Variants in CENPW observed in about 807,000 individuals in gnomAD.
CENPW encodes cancer-up-regulated gene 2 protein.
Under a neutral mutation model 11.1 loss-of-function variants are expected in CENPW, and 3 were observed. The observed-to-expected ratio is 0.27, with a 90% confidence interval of 0.12 to 0.70. The LOEUF (loss-of-function observed/expected upper bound fraction) is 0.70, where lower values mean the gene tolerates loss of function less well. Ranked by LOEUF, CENPW falls within the 30% of genes least tolerant of loss-of-function variation. The probability of loss-of-function intolerance (pLI) is 0.77; values close to 1 mark genes in which losing one functional copy is unlikely to be tolerated. For synonymous variants in CENPW, 38 were observed against 42.0 expected (o/e 0.91, Z 0.37); for missense variants, 100 against 105.6 (o/e 0.95, Z 0.23).
At chr6:126,399,471 T>G in the CENPW span, among the ~76,000 whole-genome samples, 1 of 152,194 alleles carries the variant, frequency 6.6e-6, no homozygotes, top group Non-Finnish European at 1.5e-5. Context: ...AAATCTATTT[T>G]ACGAAGTTGA....
At chr6:126,471,849 C>A in the CENPW span, among the ~76,000 whole-genome samples, 5 of 152,160 alleles carry the variant, frequency 3.3e-5, no homozygotes, top group Non-Finnish European at 7.3e-5. Context: ...GAGTGCTCAT[C>A]ACATGGGTGT....
the CENPW span, among the ~76,000 whole-genome samples, chr6:126,377,809 C>T: frequency 6.6e-6 from 1 of 152,178 alleles, no homozygotes; most frequent in East Asian, 1.9e-4. Context: ...CAACAAAAGA[C>T]TTATTCCAAA....
At chr6:126,461,298 A>T in the CENPW span, among the ~76,000 whole-genome samples, 1 of 151,872 alleles carries the variant, frequency 6.6e-6, no homozygotes, top group Non-Finnish European at 1.5e-5. Flanking sequence ...CTCCCTAGCC[A>T]TGTGGAACTG....
chr6:126,377,547 A>G, the CENPW span, among the ~76,000 whole-genome samples: 1 of 152,238 alleles, frequency 6.6e-6, no homozygotes, highest in African/African-American at 2.4e-5. Context: ...CTCAGATTGC[A>G]GAAGGTGATA....
the CENPW span, among the ~76,000 whole-genome samples, chr6:126,402,658 G>A: frequency 6.6e-6 from 1 of 151,862 alleles, no homozygotes; most frequent in African/African-American, 2.4e-5. Flanking sequence ...ATGTTGGCAA[G>A]GTTCATGCAT....
chr6:126,425,566 A>G, the CENPW span, among the ~76,000 whole-genome samples: 4 of 152,048 alleles, frequency 2.6e-5, no homozygotes, highest in Admixed American at 1.3e-4. Flanking sequence ...GTCAAATAGT[A>G]TTGTAATGGT....
the CENPW span, among the ~76,000 whole-genome samples, chr6:126,482,347 T>A: frequency 6.6e-6 from 1 of 151,986 alleles, no homozygotes; most frequent in Non-Finnish European, 1.5e-5. Context: ...TATATTAATA[T>A]TATTATTTTG....
the CENPW span, among the ~76,000 whole-genome samples, chr6:126,402,920 G>A: frequency 6.6e-6 from 1 of 151,916 alleles, no homozygotes; most frequent in Non-Finnish European, 1.5e-5. Context: ...AACCCTGTGT[G>A]GAGCAAGTCT....
chr6:126,357,313 G>A, the CENPW span, among the ~76,000 whole-genome samples: 1 of 152,112 alleles, frequency 6.6e-6, no homozygotes, highest in African/African-American at 2.4e-5. Context: ...CCATTACCAT[G>A]CTGTTTTGAT....
downstream of CENPW, among the ~76,000 whole-genome samples, chr6:126,352,015 G>A (rs995356982): frequency 6.6e-6 from 1 of 152,228 alleles, no homozygotes; most frequent in Admixed American, 6.5e-5. Flanking sequence ...TGGGGATTCT[G>A]ATTCTATTTA....
At chr6:126,405,797 A>T in the CENPW span, among the ~76,000 whole-genome samples, 1 of 151,728 alleles carries the variant, frequency 6.6e-6, no homozygotes, top group African/African-American at 2.4e-5. Context: ...CTCGTATTTC[A>T]TTATTTGTGT....
the CENPW span, among the ~76,000 whole-genome samples, chr6:126,371,806 C>T: frequency 3.9e-5 from 6 of 152,104 alleles, no homozygotes; most frequent in Non-Finnish European, 7.4e-5. Context: ...GTTTAATCTA[C>T]AAGCGTTGTA....
chr6:126,387,354 T>C, the CENPW span, among the ~76,000 whole-genome samples: 1 of 151,954 alleles, frequency 6.6e-6, no homozygotes, highest in Non-Finnish European at 1.5e-5. Context: ...ATAAATGTGG[T>C]GTTTCATATA....
the CENPW span, among the ~76,000 whole-genome samples, chr6:126,367,027 C>G: frequency 6.6e-6 from 1 of 152,150 alleles, no homozygotes; most frequent in African/African-American, 2.4e-5. Flanking sequence ...CACTGTTGTA[C>G]TGGAGATTAA....
At chr6:126,358,855 A>G in the CENPW span, among the ~76,000 whole-genome samples, 2 of 152,286 alleles carry the variant, frequency 1.3e-5, no homozygotes, top group East Asian at 3.9e-4. Context: ...AAATTTAATC[A>G]TAAATGAAAA....
the CENPW span, among the ~76,000 whole-genome samples, chr6:126,477,102 G>A: frequency 6.6e-6 from 1 of 151,964 alleles, no homozygotes; most frequent in African/African-American, 2.4e-5. Flanking sequence ...GGGATTCAGA[G>A]AAAATTCAAG....
chr6:126,343,287 T>C (rs1001361514), intron 1 of CENPW, among the ~76,000 whole-genome samples: 4 of 152,226 alleles, frequency 2.6e-5, no homozygotes, highest in Admixed American at 1.3e-4. Context: ...CCTTAGCGCA[T>C]TGGAGTAGTA....
chr6:126,427,776 A>T, the CENPW span, among the ~76,000 whole-genome samples: 1 of 152,286 alleles, frequency 6.6e-6, no homozygotes, highest in East Asian at 1.9e-4. Context: ...TACATTTTTC[A>T]TGTACAAGTT....
the CENPW span, among the ~76,000 whole-genome samples, chr6:126,362,146 G>A: frequency 6.6e-6 from 1 of 152,228 alleles, no homozygotes; most frequent in Non-Finnish European, 1.5e-5. Flanking sequence ...CTGCAGGAAA[G>A]CCAGTCTTGC....
Sources: allele counts gnomAD v4.1 joint callset (sites outside exome capture counted in the v4.1 genomes callset), GRCh38; gene constraint gnomAD v4.1.1; transcripts MANE v1.5; gene names NCBI Gene and HGNC (gene_info 2026-07-23, HGNC 2026-07-21).